The following RAPGEF4 variants were observed in gnomAD, a reference collection of about 807,000 sequenced individuals.
RAPGEF4 encodes RAP guanine-nucleotide-exchange factor (GEF) 4.
A neutral mutation model predicts 147.9 loss-of-function variants in RAPGEF4; 66 were observed. The ratio of observed to expected loss-of-function variants is 0.45; its 90% CI spans 0.37 to 0.55. The LOEUF (loss-of-function observed/expected upper bound fraction) is 0.55. Ranked by LOEUF, RAPGEF4 falls within the 20% of genes least tolerant of loss-of-function variation. The pLI is 0.00. For missense variants in RAPGEF4, 1,071 were observed against 1,257.3 expected (o/e 0.85, Z 2.24); for synonymous variants, 419 against 442.7 (o/e 0.95, Z 0.67).
chr2:172,802,992 G>A (rs59553194), intron 3 of RAPGEF4, among the ~76,000 whole-genome samples: 28,968 of 152,136 alleles, frequency 0.19, 2,988 homozygotes, highest in East Asian at 0.21. Context: ...TGTTCCCATC[G>A]TCTTGGGCAG....
chr2:172,881,411 A>G (rs1351038903), intron 4 of RAPGEF4, among the ~76,000 whole-genome samples: 2 of 152,202 alleles, frequency 1.3e-5, no homozygotes, highest in Non-Finnish European at 2.9e-5. Context: ...TTCCTATTTA[A>G]TGCCAATATT....
At chr2:172,988,947 G>A (rs948690871) in intron 14 of RAPGEF4, 108 bp downstream of exon 14, 12 of 1,241,712 alleles carry the variant, frequency 9.7e-6, no homozygotes, top group Non-Finnish European at 1.1e-5. Context: ...ATGAATGAGT[G>A]CTCTAGGCAC....
At chr2:173,000,114 A>T (rs1693755751) in intron 16 of RAPGEF4, among the ~76,000 whole-genome samples, 2 of 152,204 alleles carry the variant, frequency 1.3e-5, no homozygotes, top group Admixed American at 6.5e-5. Flanking sequence ...CATTAAAAAA[A>T]ATATTTTCTT....
At chr2:172,960,493 G>A (rs1381211878) in intron 6 of RAPGEF4, among the ~76,000 whole-genome samples, 1 of 151,968 alleles carries the variant, frequency 6.6e-6, no homozygotes, top group Non-Finnish European at 1.5e-5. Context: ...CTCTTCTCAT[G>A]AAGCCTACAA....
intron 23 of RAPGEF4, 96 bp from the exon 24 acceptor site, chr2:173,026,476 C>T: frequency 1.5e-6 from 2 of 1,341,452 alleles, no homozygotes; most frequent in South Asian, 3.0e-5. Context: ...GCGTCCATCT[C>T]CAGAATCCTT....
intron 1 of RAPGEF4, among the ~76,000 whole-genome samples, chr2:172,761,317 G>T (rs984878482): frequency 5.3e-5 from 8 of 151,942 alleles, no homozygotes; most frequent in African/African-American, 1.7e-4. Flanking sequence ...TACAGACAAG[G>T]TTTCTCCATG....
At chr2:172,759,106 GGAA>G (rs1332265348) in intron 1 of RAPGEF4, among the ~76,000 whole-genome samples, 1 of 152,180 alleles carries the variant, frequency 6.6e-6, no homozygotes, top group Non-Finnish European at 1.5e-5. Context: ...CAAAACATCA[GGAA>G]GAAGAAAGAC....
At chr2:172,940,560 C>A (rs1262588842) in intron 6 of RAPGEF4, among the ~76,000 whole-genome samples, 1 of 152,078 alleles carries the variant, frequency 6.6e-6, no homozygotes, top group Admixed American at 6.6e-5. Flanking sequence ...GTAAAAGCTC[C>A]CTGAGGCCTC....
At chr2:172,769,784 A>G (rs1252069098) in intron 1 of RAPGEF4, among the ~76,000 whole-genome samples, 1 of 152,224 alleles carries the variant, frequency 6.6e-6, no homozygotes, top group Non-Finnish European at 1.5e-5. Flanking sequence ...TTAAAATATA[A>G]GTATGTTCCA....
At chr2:172,865,931 G>T (rs1303887713) in intron 4 of RAPGEF4, among the ~76,000 whole-genome samples, 3 of 151,968 alleles carry the variant, frequency 2.0e-5, no homozygotes, top group Non-Finnish European at 4.4e-5. Context: ...AGTCCCTCAG[G>T]TTAAGATAGA....
chr2:172,952,842 A>G (rs1048342048), intron 6 of RAPGEF4, among the ~76,000 whole-genome samples: 1 of 152,228 alleles, frequency 6.6e-6, no homozygotes, highest in Non-Finnish European at 1.5e-5. Context: ...GCCTCTCTCC[A>G]CTAGAAGAAT....
At chr2:172,739,589 T>G (rs997838744) in intron 1 of RAPGEF4, among the ~76,000 whole-genome samples, 2 of 152,208 alleles carry the variant, frequency 1.3e-5, no homozygotes, top group Non-Finnish European at 2.9e-5. Context: ...CAGGCTGGTC[T>G]TGGACTCCTG....
chr2:172,987,128 C>T (rs1188153681), intron 12 of RAPGEF4, among the ~76,000 whole-genome samples: 1 of 152,062 alleles, frequency 6.6e-6, no homozygotes, highest in African/African-American at 2.4e-5. Context: ...GCCTGGGGAA[C>T]ATGGCGAAAC....
At chr2:172,885,517 A>G (rs891836790) in intron 4 of RAPGEF4, among the ~76,000 whole-genome samples, 4 of 152,198 alleles carry the variant, frequency 2.6e-5, no homozygotes, top group African/African-American at 4.8e-5. Flanking sequence ...GTTTTATTGG[A>G]CTTACAGTTC....
At chr2:172,808,788 G>A (rs1001803448) in intron 3 of RAPGEF4, among the ~76,000 whole-genome samples, 8 of 152,182 alleles carry the variant, frequency 5.3e-5, no homozygotes, top group Admixed American at 3.9e-4. Flanking sequence ...GCAGAGATAA[G>A]TTTTGAATTA....
chr2:172,911,348 A>G (rs1700074129), intron 4 of RAPGEF4, among the ~76,000 whole-genome samples: 1 of 152,218 alleles, frequency 6.6e-6, no homozygotes, highest in Admixed American at 6.5e-5. Flanking sequence ...AGGTTGGAAT[A>G]TGTGGCACAT....
At chr2:172,752,948 T>G (rs1695426418) in intron 1 of RAPGEF4, among the ~76,000 whole-genome samples, 1 of 152,244 alleles carries the variant, frequency 6.6e-6, no homozygotes, top group African/African-American at 2.4e-5. Context: ...GATATTTATC[T>G]TAACAACTTT....
intron 17 of RAPGEF4, among the ~76,000 whole-genome samples, chr2:173,008,317 A>T (rs1694694446): frequency 6.6e-6 from 1 of 152,214 alleles, no homozygotes; most frequent in African/African-American, 2.4e-5. Flanking sequence ...AATACATTAT[A>T]CTTGCCCTAC....
rs796766220 is a variant in RAPGEF4, at chr2:173,036,767, A to C, written c.2853+75A>C. On this transcript the variant is annotated intron_variant, in intron 29 of 30. Transcript: ENST00000397081. ...TTGCATTTTTTCTAATAAAGGAAAT[A>C]ATTTCCATATATGCTGCCCTGCTAA... The C allele has an allele frequency of 9.4e-6, 10 of 1,060,830 alleles. No individual in the cohort carries two copies. In the African/African-American group the frequency reaches 1.4e-4, roughly 15 times the overall value. The allele number at this position is 1,060,830 out of a possible 1,614,324, so 65.7% of individuals were successfully genotyped here. A position where few individuals can be genotyped will look rare whatever the true frequency, so the allele number is the denominator to read the frequency against.
Sources: allele counts gnomAD v4.1 joint callset (sites outside exome capture counted in the v4.1 genomes callset), GRCh38; gene constraint gnomAD v4.1.1; transcripts MANE v1.5; gene names NCBI Gene and HGNC (gene_info 2026-07-23, HGNC 2026-07-21).